The following FBXW7 variants were observed in gnomAD, a reference collection of about 807,000 sequenced individuals.
FBXW7 encodes the protein F-box and WD repeat domain containing 7, also known as F-box/WD repeat-containing protein 7.
Under a neutral mutation model 86.3 loss-of-function variants are expected in FBXW7, and 11 were observed. The ratio of observed to expected loss-of-function variants is 0.13; its 90% confidence interval spans 0.08 to 0.21. FBXW7 has a LOEUF of 0.21. Among genes scored for constraint, FBXW7 ranks in the 10% least tolerant of loss-of-function variants. The pLI, the probability that FBXW7 is intolerant of heterozygous loss-of-function variation, is 1.00. For synonymous variants in FBXW7, 313 were observed against 297.9 expected (o/e 1.05, Z -0.52); for missense variants, 488 against 847.4 (o/e 0.58, Z 5.27).
chr4:152,506,876 A>C (rs539235095), intron 2 of FBXW7, among the ~76,000 whole-genome samples: 1 of 152,226 alleles, frequency 6.6e-6, no homozygotes, highest in East Asian at 1.9e-4. Flanking sequence ...ACCACTGATA[A>C]AGACAACTTA....
At chr4:152,333,928 C>T (rs1311356593) in intron 7 of FBXW7, among the ~76,000 whole-genome samples, 1 of 151,998 alleles carries the variant, frequency 6.6e-6, no homozygotes, top group Non-Finnish European at 1.5e-5. Context: ...GTGGTGCATG[C>T]TTATAATCCC....
chr4:152,377,072 C>A (rs1172855868), intron 4 of FBXW7, among the ~76,000 whole-genome samples: 2 of 152,156 alleles, frequency 1.3e-5, no homozygotes, highest in Non-Finnish European at 1.5e-5. Context: ...CAGCAATAGG[C>A]CCCCAGACTA....
At chr4:152,463,061 G>A (rs1743096344) in intron 2 of FBXW7, among the ~76,000 whole-genome samples, 1 of 151,842 alleles carries the variant, frequency 6.6e-6, no homozygotes, top group Non-Finnish European at 1.5e-5. Flanking sequence ...GCTGAGACAG[G>A]TGGGTCACTT....
intron 2 of FBXW7, among the ~76,000 whole-genome samples, chr4:152,488,032 T>G (rs80212225): frequency 6.6e-6 from 1 of 152,076 alleles, no homozygotes; most frequent in Non-Finnish European, 1.5e-5. Context: ...GCCATCCAAG[T>G]GGCATTACAT....
intron 4 of FBXW7, among the ~76,000 whole-genome samples, chr4:152,364,304 T>C (rs1363538921): frequency 6.6e-6 from 1 of 152,132 alleles, no homozygotes; most frequent in Non-Finnish European, 1.5e-5. Flanking sequence ...CCTTCCTTCA[T>C]GTCCTGCTTT....
intron 2 of FBXW7, among the ~76,000 whole-genome samples, chr4:152,494,543 T>C (rs1168706421): frequency 1.3e-5 from 2 of 152,194 alleles, no homozygotes; most frequent in Non-Finnish European, 2.9e-5. Context: ...AAGAATCTGA[T>C]AACCGAGTTA....
At chr4:152,530,070 T>TACACACACAC (rs200498212) in intron 2 of FBXW7, among the ~76,000 whole-genome samples, 57 of 124,670 alleles carry the variant, frequency 4.6e-4, no homozygotes, top group African/African-American at 1.6e-3. Context: ...AAAAAAAAAA[T>TACACACACAC]ACACACACAC....
intron 2 of FBXW7, among the ~76,000 whole-genome samples, chr4:152,480,181 C>G (rs1352696718): frequency 6.6e-6 from 1 of 152,116 alleles, no homozygotes; most frequent in African/African-American, 2.4e-5. Flanking sequence ...AGCATGTGCT[C>G]ACTTTGTGTC....
intron 2 of FBXW7, among the ~76,000 whole-genome samples, chr4:152,415,525 C>T (rs1284487585): frequency 2.0e-5 from 3 of 152,100 alleles, no homozygotes; most frequent in Non-Finnish European, 2.9e-5. Flanking sequence ...CATATATGAA[C>T]TTTCTATACC....
chr4:152,333,131 T>C (rs1175471257), intron 7 of FBXW7, among the ~76,000 whole-genome samples: 1 of 152,182 alleles, frequency 6.6e-6, no homozygotes, highest in African/African-American at 2.4e-5. Context: ...GATTTGTATA[T>C]ATTCTGTGTG....
Position 152,535,508 on chromosome 4 carries a change from T to G in FBXW7, c.-594A>C. ...CCCGCCCCCCCGGCCGGGGGGTGGT[T>G]GCCGAGCTTGGTTGGGGCCCCGGTT... On this transcript the variant is annotated 5_prime_UTR_variant, in exon 1 of 14. Transcript: ENST00000281708. 2.5e-6 allele frequency: 1 copy of G among 393,992 alleles called. No individual in the cohort carries two copies. Among genetic ancestry groups the G allele is most frequent in the Non-Finnish European group, 4.5e-6 (1 of 223,402 alleles). 24.4% of individuals were successfully genotyped at this position (393,992 alleles called of 1,614,324 possible). A position where few individuals can be genotyped will look rare whatever the true frequency, so the allele number is the denominator to read the frequency against.
chr4:152,401,819 A>C (rs1736957598), intron 4 of FBXW7, among the ~76,000 whole-genome samples: 1 of 152,220 alleles, frequency 6.6e-6, no homozygotes, highest in Admixed American at 6.5e-5. Context: ...CTTTGCTGTG[A>C]ATCTAAAACT....
chr4:152,430,935 C>T (rs1216249566), intron 2 of FBXW7, among the ~76,000 whole-genome samples: 1 of 152,204 alleles, frequency 6.6e-6, no homozygotes, highest in Non-Finnish European at 1.5e-5. Flanking sequence ...ACATATATTT[C>T]TCTTTTCCAA....
At chr4:152,358,630 G>GA (rs1732626979) in intron 4 of FBXW7, among the ~76,000 whole-genome samples, 1 of 152,138 alleles carries the variant, frequency 6.6e-6, no homozygotes. Flanking sequence ...ACAAGCAATG[G>GA]AACCAGAAAA....
chr4:152,343,658 C>A (rs923312306), intron 6 of FBXW7, among the ~76,000 whole-genome samples: 2 of 151,894 alleles, frequency 1.3e-5, no homozygotes, highest in Admixed American at 6.6e-5. Flanking sequence ...AATGTCTTTA[C>A]CCAGTCTGAA....
chr4:152,430,203 G>A (rs1179662992), intron 2 of FBXW7, among the ~76,000 whole-genome samples: 1 of 152,188 alleles, frequency 6.6e-6, no homozygotes, highest in East Asian at 1.9e-4. Flanking sequence ...GTAAAATCCT[G>A]AAGCAGTCCT....
intron 2 of FBXW7, among the ~76,000 whole-genome samples, chr4:152,509,368 G>A (rs1207333763): frequency 6.6e-6 from 1 of 151,836 alleles, no homozygotes; most frequent in Non-Finnish European, 1.5e-5. Context: ...GTTTTCCTGA[G>A]TCTAAAAAAA....
At chr4:152,405,355 G>A (rs1355563295) in intron 4 of FBXW7, among the ~76,000 whole-genome samples, 1 of 152,174 alleles carries the variant, frequency 6.6e-6, no homozygotes, top group Non-Finnish European at 1.5e-5. Context: ...AAGGTATTAA[G>A]ATAGGGGATT....
At chr4:152,372,668 T>A (rs1354023132) in intron 4 of FBXW7, among the ~76,000 whole-genome samples, 2 of 151,994 alleles carry the variant, frequency 1.3e-5, no homozygotes, top group Non-Finnish European at 2.9e-5. Flanking sequence ...ATTTTTAGCA[T>A]ATTTTTCATC....
Sources: gnomAD v4.1 joint callset for allele counts (sites outside exome capture counted in the v4.1 genomes callset) on GRCh38, gnomAD v4.1.1 for gene constraint, MANE v1.5 for transcripts, NCBI Gene and HGNC (gene_info 2026-07-23, HGNC 2026-07-21) for gene names.